P4HA1: variants seen among roughly 807,000 people sequenced by gnomAD.
The protein encoded by P4HA1 is prolyl 4-hydroxylase subunit alpha 1.
Under a neutral mutation model 72.8 loss-of-function variants are expected in P4HA1, and 24 were observed. The observed-to-expected ratio is 0.33, with a 90% confidence interval of 0.24 to 0.46. The LOEUF is 0.46. Ranked by LOEUF, P4HA1 falls within the 20% of genes least tolerant of loss-of-function variation. P4HA1 has a pLI of 1.00. For synonymous variants in P4HA1, 201 were observed against 218.8 expected (o/e 0.92, Z 0.72); for missense variants, 446 against 640.6 (o/e 0.70, Z 3.28).
intron 9 of P4HA1, among the ~76,000 whole-genome samples, chr10:73,044,519 T>G (rs942781947): frequency 6.6e-6 from 1 of 152,142 alleles, no homozygotes; most frequent in Non-Finnish European, 1.5e-5. Context: ...ATAATGACAA[T>G]GTTATTTTAC....
chr10:73,087,654 G>GT (rs1325479698), intron 1 of P4HA1, among the ~76,000 whole-genome samples: 1 of 151,776 alleles, frequency 6.6e-6, no homozygotes, highest in Non-Finnish European at 1.5e-5. Context: ...TTTTAATTAG[G>GT]TTGTTTACTT....
chr10:73,084,603 C>T (rs748170694), intron 1 of P4HA1, among the ~76,000 whole-genome samples: 3 of 152,200 alleles, frequency 2.0e-5, no homozygotes, highest in South Asian at 4.1e-4. Context: ...TGTGAGCCAC[C>T]GTGCCCAGAC....
intron 6 of P4HA1, among the ~76,000 whole-genome samples, chr10:73,052,015 T>A (rs1841031789): frequency 6.6e-6 from 1 of 152,196 alleles, no homozygotes; most frequent in Non-Finnish European, 1.5e-5. Context: ...AAATGTAGCC[T>A]ACTTCTAAGG....
intron 14 of P4HA1, 75 bp from the exon 15 acceptor site, chr10:73,008,367 C>G: frequency 1.1e-6 from 1 of 941,138 alleles, no homozygotes; most frequent in Non-Finnish European, 1.7e-6. Flanking sequence ...AAAGCTAGGT[C>G]TATAACAAAG....
chr10:73,031,566 C>T (rs1171210757), intron 9 of P4HA1, among the ~76,000 whole-genome samples: 3 of 151,864 alleles, frequency 2.0e-5, no homozygotes, highest in Non-Finnish European at 4.4e-5. Context: ...TATAATGCCA[C>T]TTCTATGAAA....
chr10:73,055,714 A>C (rs1482737238), intron 5 of P4HA1, among the ~76,000 whole-genome samples: 1 of 152,262 alleles, frequency 6.6e-6, no homozygotes, highest in Non-Finnish European at 1.5e-5. Context: ...ATAAAATATA[A>C]ATAGAAAACA....
chr10:73,086,606 A>G (rs909313477), intron 1 of P4HA1, among the ~76,000 whole-genome samples: 7 of 152,188 alleles, frequency 4.6e-5, no homozygotes, highest in African/African-American at 1.7e-4. Flanking sequence ...TGGTACGTGA[A>G]TTATTACTCA....
intron 9 of P4HA1, among the ~76,000 whole-genome samples, chr10:73,035,132 C>G (rs1187705210): frequency 1.3e-5 from 2 of 151,778 alleles, no homozygotes; most frequent in African/African-American, 4.8e-5. Flanking sequence ...ATTGCTAGAT[C>G]ACATGGTAAC....
At position 73,053,380 on chromosome 10, in the gene P4HA1, A is replaced by C; in HGVS notation, c.674T>G (p.Leu225Arg). The change falls in exon 6 of 15, where the codon CTT (leucine) becomes CGT (arginine). Residue 225 changes from leucine (L) to arginine (R), a missense_variant. By Grantham distance (102) the Leu-to-Arg change is moderately radical (BLOSUM62 -2). Coordinates refer to ENST00000394890, the MANE Select transcript of P4HA1 (RefSeq NM_001017962.3). ...VYQQGDLDKA[L>R]LLTKKLLELD... Reference sequence around the variant, plus strand: ...TTCAAGAAGCTTCTTTGTGAGCAAAAGTGCCTTATCCAGGTCTCCCTGCTG... The same window carrying C: ...TTCAAGAAGCTTCTTTGTGAGCAAACGTGCCTTATCCAGGTCTCCCTGCTG... 1.2e-6 allele frequency: 2 copies of C among 1,614,154 alleles called. No individual in the cohort carries two copies. The highest frequency in any genetic ancestry group is 2.2e-5 in the South Asian group (2 of 91,072).
At chr10:73,071,584 G>C (rs963606546) in intron 4 of P4HA1, among the ~76,000 whole-genome samples, 1 of 151,816 alleles carries the variant, frequency 6.6e-6, no homozygotes, top group Non-Finnish European at 1.5e-5. Flanking sequence ...CATTTTTACT[G>C]TTTGCAGCCT....
At position 73,083,417 on chromosome 10, in the gene P4HA1, C is replaced by T. The variant is rs1025329060; in HGVS notation, c.-32-8502G>A. 5.9e-5 allele frequency among the ~76,000 whole-genome samples: 9 copies of T among 152,086 alleles called. No individual in the cohort carries two copies. In the South Asian group the frequency reaches 1.0e-3, roughly 18 times the overall value. On this transcript the variant is annotated intron_variant, in intron 1 of 14. Coordinates refer to ENST00000394890, the MANE Select transcript of P4HA1 (RefSeq NM_001017962.3). ...TATTGTAGCACTTATTGGCATAATTCCAAATGAAAAGCATTTCAAGATTCA... is the reference window on the plus strand; with the variant it reads ...TATTGTAGCACTTATTGGCATAATTTCAAATGAAAAGCATTTCAAGATTCA...
chr10:73,049,587 C>T (rs1840964788), intron 7 of P4HA1, among the ~76,000 whole-genome samples: 1 of 152,256 alleles, frequency 6.6e-6, no homozygotes, highest in South Asian at 2.1e-4. Context: ...AGACTTTGTT[C>T]TTTTTGCTTT....
In P4HA1 at chr10:73,025,993, A is replaced by G. The variant is rs1013868113; in HGVS notation, c.1248+4278T>C. ...ATGGAAGAACATTCCATGCTCATGG[A>G]TAGGAAGAATCAATATCGTGAAAAT... is the stretch of plus-strand genomic sequence containing the variant. On this transcript the variant is annotated intron_variant, in intron 10 of 14. Coordinates refer to ENST00000394890, the MANE Select transcript of P4HA1 (RefSeq NM_001017962.3). Among the ~76,000 whole-genome samples, 989 of 152,322 alleles carry G rather than the reference A, an allele frequency of 6.5e-3. 9 individuals are homozygous for G. The highest frequency in any genetic ancestry group is 0.022 in the African/African-American group (916 of 41,564).
intron 10 of P4HA1, among the ~76,000 whole-genome samples, chr10:73,018,314 C>A (rs1278662894): frequency 6.6e-6 from 1 of 152,208 alleles, no homozygotes; most frequent in African/African-American, 2.4e-5. Context: ...CCAAGCTGAG[C>A]AGCTGCACAT....
At chr10:73,069,019 G>A (rs201448834) in intron 4 of P4HA1, 36 bp from the exon 5 acceptor site, 1 of 1,515,544 alleles carries the variant, frequency 6.6e-7, no homozygotes, top group East Asian at 2.3e-5. Flanking sequence ...AAAAACTGTA[G>A]AACCTCATAA....
intron 1 of P4HA1, among the ~76,000 whole-genome samples, chr10:73,084,162 A>ACC (rs34645636): frequency 6.6e-6 from 1 of 152,180 alleles, no homozygotes; most frequent in African/African-American, 2.4e-5. Context: ...TTTTTTCACC[A>ACC]CCCTAAGGAT....
At chr10:73,090,394 A>G (rs1312271719) in intron 1 of P4HA1, among the ~76,000 whole-genome samples, 1 of 152,232 alleles carries the variant, frequency 6.6e-6, no homozygotes, top group Non-Finnish European at 1.5e-5. Context: ...TCGGCCACCC[A>G]AAGGGTTGGG....
chr10:73,067,905 C>T (rs1841465449), intron 5 of P4HA1, among the ~76,000 whole-genome samples: 1 of 152,094 alleles, frequency 6.6e-6, no homozygotes, highest in South Asian at 2.1e-4. Flanking sequence ...ATGTCTTGTT[C>T]ATTATGTGTC....
chr10:73,095,037 G>C (rs576561464), intron 1 of P4HA1, among the ~76,000 whole-genome samples: 1 of 152,104 alleles, frequency 6.6e-6, no homozygotes, highest in East Asian at 1.9e-4. Flanking sequence ...TTCCTAGTTA[G>C]TCTATGTAAA....
Sources: gnomAD v4.1 joint callset for allele counts (sites outside exome capture counted in the v4.1 genomes callset) on GRCh38, gnomAD v4.1.1 for gene constraint, MANE v1.5 for transcripts, NCBI Gene and HGNC (gene_info 2026-07-23, HGNC 2026-07-21) for gene names.